Variants in HPGDS observed in about 807,000 individuals in gnomAD.
The protein encoded by HPGDS is hematopoietic prostaglandin D synthase, also known as GST class-sigma.
Under a neutral mutation model 23.1 loss-of-function variants are expected in HPGDS, and 26 were observed. The ratio of observed to expected loss-of-function variants is 1.13; its 90% CI spans 0.83 to 1.56. HPGDS has a LOEUF of 1.56. Ranked by LOEUF, HPGDS falls within the 40% of genes most tolerant of loss-of-function variation. HPGDS has a pLI of 0.00. For missense variants in HPGDS, 268 were observed against 236.4 expected (o/e 1.13, Z -0.88); for synonymous variants, 95 against 77.9 (o/e 1.22, Z -1.16).
chr4:94,301,449 C>T (rs961114421), intron 5 of HPGDS, among the ~76,000 whole-genome samples: 11 of 152,104 alleles, frequency 7.2e-5, no homozygotes, highest in African/African-American at 2.7e-4. Flanking sequence ...AACTGGAATA[C>T]TTTCATGAAG....
intron 3 of HPGDS, among the ~76,000 whole-genome samples, chr4:94,315,597 C>T (rs1756380818): frequency 6.6e-6 from 1 of 151,842 alleles, no homozygotes; most frequent in Non-Finnish European, 1.5e-5. Context: ...TAGAAGCTTT[C>T]TAAAATGGAT....
rs1560598068 is a variant in HPGDS at position 94,340,318 on chromosome 4, T to C, written c.-10+2477A>G. 2.6e-3 allele frequency among the ~76,000 whole-genome samples: 34 copies of C among 12,996 alleles called. 4 individuals carry two copies. The highest frequency in any genetic ancestry group is 7.0e-3 in the African/African-American group (18 of 2,582). The allele number at this position is 12,996 out of a possible 152,430, so 8.5% of individuals were successfully genotyped here. Reference sequence around the variant, plus strand: ...CTTTCTTTCTTTCTTTCTCTTTTTTTTTTTTTTTTTTTTTTTTTTTTTTTT... The same window carrying C: ...CTTTCTTTCTTTCTTTCTCTTTTTTCTTTTTTTTTTTTTTTTTTTTTTTTT... On this transcript the variant is annotated intron_variant, in intron 1 of 5. Transcript: ENST00000295256.
Position 94,314,381 on chromosome 4 carries a change from T to C in HPGDS, c.226+3492A>G, listed in dbSNP as rs964101184. Reference sequence around the variant, plus strand: ...CAGTCAGGACCCTCAGCTGCAGGTCTGTTGGAGTTTGCCAGAGGTCCACTC... The same window carrying C: ...CAGTCAGGACCCTCAGCTGCAGGTCCGTTGGAGTTTGCCAGAGGTCCACTC... On this transcript the variant is annotated intron_variant, in intron 3 of 5. Coordinates refer to ENST00000295256, the MANE Select transcript of HPGDS (RefSeq NM_014485.3). 3.3e-5 allele frequency among the ~76,000 whole-genome samples: 5 copies of C among 152,348 alleles called. No homozygotes were observed. In the East Asian group the frequency reaches 9.6e-4, roughly 29 times the overall value.
intron 3 of HPGDS, among the ~76,000 whole-genome samples, chr4:94,314,515 G>A (rs1280655178): frequency 6.6e-6 from 1 of 152,250 alleles, no homozygotes; most frequent in Non-Finnish European, 1.5e-5. Flanking sequence ...GTCTCAGAGG[G>A]GTACCCGGCC....
intron 2 of HPGDS, among the ~76,000 whole-genome samples, chr4:94,333,980 A>G (rs149196211): frequency 6.6e-6 from 1 of 152,366 alleles, no homozygotes; most frequent in East Asian, 1.9e-4. Context: ...TGCTAAGAAA[A>G]AGAATGGTTA....
chr4:94,316,546 T>C (rs1018905041), intron 3 of HPGDS, among the ~76,000 whole-genome samples: 5 of 152,180 alleles, frequency 3.3e-5, no homozygotes, highest in Non-Finnish European at 7.4e-5. Flanking sequence ...AAACCTACAA[T>C]TGCATAAGAA....
At chr4:94,301,126 T>C (rs973806535) in intron 5 of HPGDS, among the ~76,000 whole-genome samples, 1 of 152,078 alleles carries the variant, frequency 6.6e-6, no homozygotes, top group Non-Finnish European at 1.5e-5. Context: ...AAGTTGAGAA[T>C]AAAGATGTGG....
chr4:94,313,067 C>A lies in HPGDS; in HGVS notation c.227-4324G>T, dbSNP rs1485586338. On this transcript the variant is annotated intron_variant, in intron 3 of 5. Coordinates refer to ENST00000295256, the MANE Select transcript of HPGDS (RefSeq NM_014485.3). ...AGATGGGTTTCCTGAATACAGCACA[C>A]TGATGGGTCTTGACTCTTTATCCAA... 3.3e-5 allele frequency among the ~76,000 whole-genome samples: 5 copies of A among 152,114 alleles called. No homozygotes were observed. In the South Asian group the frequency reaches 6.2e-4, roughly 19 times the overall value.
chr4:94,319,215 A>G (rs960390886), intron 2 of HPGDS, among the ~76,000 whole-genome samples: 1 of 152,198 alleles, frequency 6.6e-6, no homozygotes, highest in Admixed American at 6.5e-5. Context: ...TTGGGTGCAC[A>G]TATATTTACA....
intron 2 of HPGDS, among the ~76,000 whole-genome samples, chr4:94,323,517 T>C (rs1756561035): frequency 1.3e-5 from 2 of 152,204 alleles, no homozygotes; most frequent in South Asian, 4.1e-4. Flanking sequence ...CATTATGTAA[T>C]GGCCTTCTTT....
intron 1 of HPGDS, among the ~76,000 whole-genome samples, chr4:94,341,036 T>G (rs113237807): frequency 0.015 from 2,208 of 151,522 alleles, 63 homozygotes; most frequent in African/African-American, 0.05. Context: ...AGTAGAGACG[T>G]GGTTTCGCCA....
intron 3 of HPGDS, among the ~76,000 whole-genome samples, chr4:94,308,961 G>A (rs1191395552): frequency 2.1e-5 from 3 of 145,736 alleles, no homozygotes; most frequent in African/African-American, 7.6e-5. Flanking sequence ...GAAAATACAA[G>A]CAAATAAAAT....
In HPGDS at chr4:94,304,512, T is replaced by C. The variant is rs186769817; in HGVS notation, c.337-2268A>G. 2.5e-4 allele frequency among the ~76,000 whole-genome samples: 38 copies of C among 152,274 alleles called. No homozygotes were observed. The East Asian group carries it at 7.3e-3, about 29-fold the overall frequency. On this transcript the variant is annotated intron_variant, in intron 4 of 5. Transcript: ENST00000295256. The stretch of plus-strand genomic sequence containing the variant: ...GTGTATATGACAAGAATATATTCAC[T>C]ATCCATCTTAAGTGCATCAATATTC...
chr4:94,322,242 G>T (rs1369213961), intron 2 of HPGDS, among the ~76,000 whole-genome samples: 3 of 151,968 alleles, frequency 2.0e-5, no homozygotes, highest in Non-Finnish European at 2.9e-5. Flanking sequence ...TTGTGTCTCT[G>T]CCAGGCTTTG....
chr4:94,329,534 C>G (rs1303522512), intron 2 of HPGDS, among the ~76,000 whole-genome samples: 1 of 152,126 alleles, frequency 6.6e-6, no homozygotes, highest in Non-Finnish European at 1.5e-5. Context: ...TCAAATAGGA[C>G]AGAACTATCA....
chr4:94,322,649 CTCTTT>C (rs1278051263), intron 2 of HPGDS, among the ~76,000 whole-genome samples: 1 of 152,038 alleles, frequency 6.6e-6, no homozygotes, highest in Non-Finnish European at 1.5e-5. Flanking sequence ...TGATTCTTCT[CTCTTT>C]TCTTCTTTAT....
At chr4:94,329,966 A>G (rs1164809155) in intron 2 of HPGDS, among the ~76,000 whole-genome samples, 1 of 152,186 alleles carries the variant, frequency 6.6e-6, no homozygotes, top group Non-Finnish European at 1.5e-5. Context: ...TCTTACAATG[A>G]TGTCTAGTCT....
intron 4 of HPGDS, among the ~76,000 whole-genome samples, chr4:94,307,652 C>T (rs1364882695): frequency 6.6e-6 from 1 of 152,108 alleles, no homozygotes; most frequent in Non-Finnish European, 1.5e-5. Flanking sequence ...ATGGAAGTCT[C>T]CTAGAGAGCG....
chr4:94,301,094 A>G (rs1171311567), intron 5 of HPGDS, among the ~76,000 whole-genome samples: 2 of 152,194 alleles, frequency 1.3e-5, no homozygotes, highest in East Asian at 3.8e-4. Flanking sequence ...AGAAGAAATG[A>G]AGGGGTATGT....
Sources: gnomAD v4.1 joint callset for allele counts (sites outside exome capture counted in the v4.1 genomes callset) on GRCh38, gnomAD v4.1.1 for gene constraint, MANE v1.5 for transcripts, NCBI Gene and HGNC (gene_info 2026-07-23, HGNC 2026-07-21) for gene names.